KLHL22: variants seen among roughly 807,000 people sequenced by gnomAD.
KLHL22 encodes the protein kelch-like protein 22.
KLHL22 carries 18 observed loss-of-function variants against 60.7 expected under a neutral mutation model. That is an observed-to-expected ratio of 0.30 (90% confidence interval 0.20 to 0.44). KLHL22 has a LOEUF of 0.44. Among genes scored for constraint, KLHL22 ranks in the 20% least tolerant of loss-of-function variants. The pLI is 1.00. For synonymous variants in KLHL22, 355 were observed against 354.5 expected, an observed-to-expected ratio of 1.00 and a Z score of -0.01; for missense variants, 596 against 852.3, an observed-to-expected ratio of 0.70 and a Z score of 3.74.
chr22:20,448,377 T>C (rs976051061), intron 5 of KLHL22, among the ~76,000 whole-genome samples: 1 of 152,236 alleles, frequency 6.6e-6, no homozygotes, highest in African/African-American at 2.4e-5. Context: ...AAAACACTTC[T>C]GGTCCCCAGC....
intron 4 of KLHL22, among the ~76,000 whole-genome samples, chr22:20,460,729 T>C (rs2053141736): frequency 6.6e-6 from 1 of 151,772 alleles, no homozygotes; most frequent in Non-Finnish European, 1.5e-5. Flanking sequence ...TTGTGTCCTG[T>C]ATCCCTCTTC....
intron 2 of KLHL22, among the ~76,000 whole-genome samples, chr22:20,474,516 C>T (rs770574230): frequency 1.3e-5 from 2 of 152,180 alleles, no homozygotes; most frequent in South Asian, 2.1e-4. Context: ...CTCAGCCTCC[C>T]GGGTAGCTGG....
chr22:20,486,166 CAAAA>C (rs200248872), intron 2 of KLHL22, among the ~76,000 whole-genome samples: 1 of 82,616 alleles, frequency 1.2e-5, no homozygotes, highest in African/African-American at 4.5e-5. Flanking sequence ...GATTCCGTCT[CAAAA>C]AAAAAAAAAA....
intron 4 of KLHL22, among the ~76,000 whole-genome samples, chr22:20,463,335 C>A (rs1217017126): frequency 6.6e-6 from 1 of 152,210 alleles, no homozygotes; most frequent in Non-Finnish European, 1.5e-5. Context: ...CACCCCTTCA[C>A]AAGGGGAAAT....
Position 20,465,645 on chromosome 22 carries a change from A to G in KLHL22, c.394-69T>C, listed in dbSNP as rs745446186. 1.9e-5 allele frequency: 16 copies of G among 826,150 alleles called. No homozygotes were observed. The highest frequency in any genetic ancestry group is 5.0e-5 in the African/African-American group (3 of 59,910). The allele number at this position is 826,150 out of a possible 1,614,324, so 51.2% of individuals were successfully genotyped here. A position where few individuals can be genotyped will look rare whatever the true frequency, so the allele number is the denominator to read the frequency against. ...GCATCTGGGGGTGGGAGAGAGAATGATGGCAGAAATACGGGCTGTTGTGGG... is the reference window on the plus strand; with the variant it reads ...GCATCTGGGGGTGGGAGAGAGAATGGTGGCAGAAATACGGGCTGTTGTGGG... On this transcript the variant is annotated intron_variant, in intron 3 of 6. Transcript: ENST00000328879. The surrounding 1 kb of genome is among the most constrained non-coding windows in gnomAD (Gnocchi z 4.9).
At chr22:20,446,340 A>T (rs1050110546) in intron 6 of KLHL22, 103 bp downstream of exon 6, 1 of 757,086 alleles carries the variant, frequency 1.3e-6, no homozygotes, top group Non-Finnish European at 2.2e-6. Flanking sequence ...TCTAAAAAAT[A>T]GTCTATTTTT....
chr22:20,488,761 G>T lies in KLHL22; in HGVS notation c.227+224C>A, dbSNP rs1242610408. The T allele has an allele frequency of 1.9e-5, 11 of 585,276 alleles. No homozygotes were observed. The Admixed American group carries it at 3.3e-4, about 18-fold the overall frequency. 36.3% of individuals were successfully genotyped at this position (585,276 alleles called of 1,614,324 possible). A position where few individuals can be genotyped will look rare whatever the true frequency, so the allele number is the denominator to read the frequency against. Reference sequence around the variant, plus strand: ...GGAAAAGAAAAGGAAGAGAAGAGAGGGAAGAGAAGAGGAGGCAAAGCCCAA... The same window carrying T: ...GGAAAAGAAAAGGAAGAGAAGAGAGTGAAGAGAAGAGGAGGCAAAGCCCAA... On this transcript the variant is annotated intron_variant, in intron 2 of 6. Coordinates refer to ENST00000328879, the MANE Select transcript of KLHL22 (RefSeq NM_032775.4).
chr22:20,446,682 T>G lies in KLHL22; in HGVS notation c.1306-6A>C, dbSNP rs746877088. ...GCGCCTGCGTGGGCATACACCTGTG[T>G]GGAGCCACCAGGAGAAATGGCGTGA... On this transcript the variant is annotated splice_polypyrimidine_tract_variant and splice_region_variant and intron_variant, in intron 5 of 6. Coordinates refer to ENST00000328879, the MANE Select transcript of KLHL22 (RefSeq NM_032775.4). 1 of 1,606,624 alleles carries G rather than the reference T, an allele frequency of 6.2e-7. No homozygotes were observed. Among genetic ancestry groups the G allele is most frequent in the South Asian group, 1.1e-5 (1 of 91,050 alleles).
At chr22:20,483,989 G>C (rs577519654) in intron 2 of KLHL22, 23 of 705,136 alleles carry the variant, frequency 3.3e-5, no homozygotes, top group Non-Finnish European at 6.0e-5. Context: ...CAGAGCCCTC[G>C]GTGCCTGCAT....
At chr22:20,454,351 T>A (rs569084687) in intron 5 of KLHL22, among the ~76,000 whole-genome samples, 81 of 151,982 alleles carry the variant, frequency 5.3e-4, no homozygotes, top group Non-Finnish European at 9.7e-4. Context: ...AATAAAAAAA[T>A]TTTTAAAAAG....
rs375348578 is a variant in KLHL22 at position 20,457,650 on chromosome 22, A to G, written c.1305+158T>C. 1.4e-5 allele frequency: 9 copies of G among 625,418 alleles called. No individual in the cohort carries two copies. The East Asian group carries it at 1.9e-4, about 13-fold the overall frequency. The allele number at this position is 625,418 out of a possible 1,614,324, so 38.7% of individuals were successfully genotyped here. ...GGCTGAACCTCATGGGGCCTCATCA[A>G]TGCATTCAATGCAGGGTCTCTGGAG... On this transcript the variant is annotated intron_variant, in intron 5 of 6. Coordinates refer to ENST00000328879, the MANE Select transcript of KLHL22 (RefSeq NM_032775.4).
chr22:20,451,603 C>T lies in KLHL22; in HGVS notation c.1306-4927G>A, dbSNP rs778394400. 328 of 1,595,666 alleles carry T rather than the reference C, an allele frequency of 2.1e-4. 2 individuals are homozygous for T. The highest frequency in any genetic ancestry group is 2.5e-4 in the Non-Finnish European group (288 of 1,164,176). On this transcript the variant is annotated intron_variant, in intron 5 of 6. Transcript: ENST00000328879. ...TTCTTCCGTTGAAGCATACAACATTCGCACTGATTCCCGGACAACTGCCAC... is the reference window on the plus strand; with the variant it reads ...TTCTTCCGTTGAAGCATACAACATTTGCACTGATTCCCGGACAACTGCCAC...
At chr22:20,454,086 A>C (rs1460222040) in intron 5 of KLHL22, among the ~76,000 whole-genome samples, 1 of 152,182 alleles carries the variant, frequency 6.6e-6, no homozygotes, top group Non-Finnish European at 1.5e-5. Context: ...TAATCCCTGC[A>C]CTTTGGCCGA....
At chr22:20,470,786 AGATGGATGGATGGATGGATGGATG>A (rs361774) in intron 3 of KLHL22, among the ~76,000 whole-genome samples, 3 of 137,648 alleles carry the variant, frequency 2.2e-5, no homozygotes, top group African/African-American at 5.5e-5. Flanking sequence ...ATGGATGGAT[AGATGGATGGATGGATGGATGGATG>A]GATGGATGGA....
intron 5 of KLHL22, among the ~76,000 whole-genome samples, chr22:20,457,129 C>A: frequency 6.6e-6 from 1 of 152,092 alleles, no homozygotes; most frequent in East Asian, 1.9e-4. Context: ...GATCCCATGT[C>A]TGGTTGTTAC....
At position 20,442,214 on chromosome 22, in the gene KLHL22, G is replaced by A; in HGVS notation, c.1764C>T (p.Ala588=). 1 of 1,603,434 alleles carries A rather than the reference G, an allele frequency of 6.2e-7. No individual in the cohort carries two copies. Among genetic ancestry groups the A allele is most frequent in the South Asian group, 1.1e-5 (1 of 89,494 alleles). ...QLDNSISGLA[A]CVLTLPRSLL... ...GGGAGCGGGGCAGGGTGAGCACACA[G>A]GCCGCCAGGCCTGAGATGGAGTTGT... Residue 588 remains alanine, a synonymous_variant, in exon 7 of 7, where the codon GCC becomes GCT. Transcript: ENST00000328879.
intron 2 of KLHL22, among the ~76,000 whole-genome samples, chr22:20,473,266 G>A (rs777388534): frequency 6.6e-6 from 1 of 152,112 alleles, no homozygotes; most frequent in African/African-American, 2.4e-5. Context: ...CCTGGGACAC[G>A]GCACAGAGAA....
At chr22:20,482,761 T>G (rs1204211424) in intron 2 of KLHL22, 1 of 810,946 alleles carries the variant, frequency 1.2e-6, no homozygotes, top group Non-Finnish European at 2.0e-6. Context: ...TTTTTTGACC[T>G]CTGAACTTTT....
At chr22:20,473,694 G>A (rs550647337) in intron 2 of KLHL22, among the ~76,000 whole-genome samples, 3 of 152,252 alleles carry the variant, frequency 2.0e-5, no homozygotes, top group African/African-American at 7.2e-5. Flanking sequence ...TGACCAACAT[G>A]GAGAAACCCC....
Sources: allele counts gnomAD v4.1 joint callset (sites outside exome capture counted in the v4.1 genomes callset), GRCh38; gene constraint gnomAD v4.1.1; non-coding constraint Gnocchi (gnomAD v3.1); transcripts MANE v1.5; gene names NCBI Gene and HGNC (gene_info 2026-07-23, HGNC 2026-07-21).